Variants in TBC1D20 observed in about 807,000 individuals in gnomAD.
The protein encoded by TBC1D20 is chromosome 20 open reading frame 140.
A neutral mutation model predicts 41.6 loss-of-function variants in TBC1D20; 12 were observed. That is an observed-to-expected ratio of 0.29 (90% CI 0.18 to 0.47). The LOEUF (loss-of-function observed/expected upper bound fraction) is 0.47, where lower values mean the gene tolerates loss of function less well. Among genes scored for constraint, TBC1D20 ranks in the 20% least tolerant of loss-of-function variants. TBC1D20 has a pLI of 1.00. For synonymous variants in TBC1D20, 205 were observed against 204.8 expected (o/e 1.00, Z -0.01); for missense variants, 421 against 517.4 (o/e 0.81, Z 1.81).
chr20:446,060 T>C (rs560586857), intron 2 of TBC1D20, among the ~76,000 whole-genome samples: 5 of 152,270 alleles, frequency 3.3e-5, no homozygotes, highest in African/African-American at 1.2e-4. Flanking sequence ...CCTGTTTCAA[T>C]CATCTCCAGT....
intron 1 of TBC1D20, among the ~76,000 whole-genome samples, chr20:460,346 C>T (rs1296744862): frequency 6.6e-6 from 1 of 151,240 alleles, no homozygotes; most frequent in Non-Finnish European, 1.5e-5. Flanking sequence ...GTGGGAGGAG[C>T]ACTTAAGTCC....
At position 436,579 on chromosome 20, in the gene TBC1D20, C is replaced by T. The variant is rs2017121974; in HGVS notation, c.*2007G>A. ...AATTCCTTCAGTATTTACAAACAGG[C>T]TTGAGTACTTGTGGAAGGAGGGGCA... On this transcript the variant is annotated 3_prime_UTR_variant, in exon 8 of 8. Coordinates refer to ENST00000354200, the MANE Select transcript of TBC1D20 (RefSeq NM_144628.4). 6.5e-6 allele frequency: 1 copy of T among 153,700 alleles called. No homozygotes were observed. The highest frequency in any genetic ancestry group is 2.1e-4 in the South Asian group (1 of 4,820). The allele number at this position is 153,700 out of a possible 1,614,324, so 9.5% of individuals were successfully genotyped here. A position where few individuals can be genotyped will look rare whatever the true frequency, so the allele number is the denominator to read the frequency against.
At chr20:460,331 C>T (rs1372276990) in intron 1 of TBC1D20, among the ~76,000 whole-genome samples, 2 of 151,540 alleles carry the variant, frequency 1.3e-5, no homozygotes, top group East Asian at 3.9e-4. Context: ...ACTCAGGAGG[C>T]TGAGGTGGGA....
chr20:441,780 A>G (rs2017235183), intron 4 of TBC1D20, 77 bp downstream of exon 4: 4 of 1,594,400 alleles, frequency 2.5e-6, no homozygotes, highest in Non-Finnish European at 3.4e-6. Context: ...AAAGCTGACC[A>G]GAAAACAGGC....
chr20:441,482 A>T, intron 5 of TBC1D20, 106 bp downstream of exon 5: 1 of 981,024 alleles, frequency 1.0e-6, no homozygotes, highest in Non-Finnish European at 1.6e-6. Flanking sequence ...TAACAAATCC[A>T]CCCAAGACAA....
chr20:444,860 G>A (rs944440233), intron 3 of TBC1D20, among the ~76,000 whole-genome samples, 190 bp downstream of exon 3: 1 of 152,144 alleles, frequency 6.6e-6, no homozygotes, highest in African/African-American at 2.4e-5. Context: ...CTCTAGGCCA[G>A]GAGAAATTAT....
In TBC1D20 at chr20:441,977, T is replaced by C. The variant is rs758229666; in HGVS notation, c.404A>G (p.Glu135Gly). ...ELIDIILLIL[E>G]RNPQLHYYQG... ...GTAGTAGTGCAGCTGAGGGTTGCGC[T>C]CCAAGATGAGGAGGATGATGTCAAT... Residue 135 changes from glutamate to glycine, a missense_variant, in exon 4 of 8, where the codon GAG becomes GGG. Glu to Gly is a moderately conservative substitution (Grantham distance 98, BLOSUM62 -2). Transcript: ENST00000354200. 5.6e-6 allele frequency: 9 copies of C among 1,613,908 alleles called. No homozygotes were observed. In the East Asian group the frequency reaches 2.0e-4, roughly 36 times the overall value.
intron 1 of TBC1D20, among the ~76,000 whole-genome samples, chr20:459,317 G>A (rs898693595): frequency 2.0e-5 from 3 of 152,124 alleles, no homozygotes; most frequent in South Asian, 2.1e-4. Flanking sequence ...ACTTGAGAAC[G>A]CTGTATCTGG....
At chr20:451,343 G>A (rs1441920391) in intron 1 of TBC1D20, among the ~76,000 whole-genome samples, 4 of 152,104 alleles carry the variant, frequency 2.6e-5, no homozygotes, top group African/African-American at 7.2e-5. Flanking sequence ...TCAGGAGTTC[G>A]AGACCAGCCT....
chr20:447,065 C>T (rs1329810752), intron 2 of TBC1D20, among the ~76,000 whole-genome samples: 1 of 149,904 alleles, frequency 6.7e-6, no homozygotes, highest in Non-Finnish European at 1.5e-5. Flanking sequence ...TTCTCTGCTG[C>T]AGCCTCCTGC....
intron 5 of TBC1D20, 43 bp from the exon 6 acceptor site, chr20:440,432 C>T (rs2017206799): frequency 1.9e-6 from 3 of 1,610,166 alleles, no homozygotes; most frequent in Non-Finnish European, 2.5e-6. Context: ...TGTGGGCCAT[C>T]CCTTCCCTCT....
intron 5 of TBC1D20, chr20:441,178 G>C (rs1330565729): frequency 6.1e-6 from 1 of 165,284 alleles, no homozygotes; most frequent in African/African-American, 2.4e-5. Context: ...AAACAGAGAA[G>C]AAACAAAACA....
chr20:449,468 A>ATG (rs1568579491), intron 1 of TBC1D20, among the ~76,000 whole-genome samples: 48 of 145,588 alleles, frequency 3.3e-4, no homozygotes, highest in African/African-American at 1.2e-3. Flanking sequence ...GGTGGCATGC[A>ATG]CCTGTAATCC....
intron 2 of TBC1D20, 106 bp from the exon 3 acceptor site, chr20:445,236 TC>T (rs2017310745): frequency 7.8e-6 from 6 of 769,124 alleles, no homozygotes; most frequent in Non-Finnish European, 1.4e-5. Context: ...TGTCAGCTTC[TC>T]CTGAAGAGGA....
At chr20:454,869 T>G (rs1196796971) in intron 1 of TBC1D20, among the ~76,000 whole-genome samples, 1 of 151,878 alleles carries the variant, frequency 6.6e-6, no homozygotes, top group East Asian at 1.9e-4. Flanking sequence ...AGAGACAGGG[T>G]TTCACCATGC....
At chr20:455,538 A>C (rs1483559084) in intron 1 of TBC1D20, among the ~76,000 whole-genome samples, 1 of 152,094 alleles carries the variant, frequency 6.6e-6, no homozygotes, top group Non-Finnish European at 1.5e-5. Flanking sequence ...GAATCGCTTG[A>C]ACCCGGGAGG....
rs116603787 is a variant in TBC1D20 at position 458,592 on chromosome 20, C to T, written c.70+3744G>A. On this transcript the variant is annotated intron_variant, in intron 1 of 7. Coordinates refer to ENST00000354200, the MANE Select transcript of TBC1D20 (RefSeq NM_144628.4). Reference sequence around the variant, plus strand: ...CCTCCCAAAGTGCTGGGATTACAGGCGTTGAGCCACCATACCTGGCCTCCA... The same window carrying T: ...CCTCCCAAAGTGCTGGGATTACAGGTGTTGAGCCACCATACCTGGCCTCCA... Among the ~76,000 whole-genome samples the T allele has an allele frequency of 4.1e-3, 623 of 152,196 alleles. 2 individuals are homozygous for T. Among genetic ancestry groups the T allele is most frequent in the African/African-American group, 0.014 (576 of 41,512 alleles).
At chr20:447,620 C>T (rs954393717) in intron 2 of TBC1D20, among the ~76,000 whole-genome samples, 6 of 151,864 alleles carry the variant, frequency 4.0e-5, no homozygotes, top group Non-Finnish European at 5.9e-5. Flanking sequence ...ATTGTGCCAC[C>T]GCACTCCAGC....
chr20:458,595 T>C (rs2122428560), intron 1 of TBC1D20, among the ~76,000 whole-genome samples: 1 of 152,272 alleles, frequency 6.6e-6, no homozygotes, highest in South Asian at 2.1e-4. Context: ...TTACAGGCGT[T>C]GAGCCACCAT....
Sources: allele counts gnomAD v4.1 joint callset (sites outside exome capture counted in the v4.1 genomes callset), GRCh38; gene constraint gnomAD v4.1.1; transcripts MANE v1.5; gene names NCBI Gene and HGNC (gene_info 2026-07-23, HGNC 2026-07-21).